The following GEMIN5 variants were observed in gnomAD, a reference collection of about 807,000 sequenced individuals.
GEMIN5 encodes gem nuclear organelle associated protein 5, also known as gem-associated protein 5.
In GEMIN5, 124 loss-of-function variants were observed where a neutral mutation model predicts 176.9. The observed-to-expected ratio is 0.70, with a 90% confidence interval of 0.61 to 0.81. The LOEUF (loss-of-function observed/expected upper bound fraction) is 0.81, where lower values mean the gene tolerates loss of function less well. GEMIN5 is among the 40% of genes least tolerant of loss of function. GEMIN5 has a pLI of 0.00. For missense variants in GEMIN5, 1,843 were observed against 1,814.6 expected, an observed-to-expected ratio of 1.02 and a Z score of -0.28; for synonymous variants, 673 against 665.2, an observed-to-expected ratio of 1.01 and a Z score of -0.18.
chr5:154,921,222 G>A, intron 10 of GEMIN5, 121 bp downstream of exon 10: 1 of 640,752 alleles, frequency 1.6e-6, no homozygotes. Context: ...GGGGACATAA[G>A]TAGCCCACAT....
In GEMIN5 at chr5:154,913,060, T is replaced by A. The variant is rs1161078213; in HGVS notation, c.1856-22A>T. 1.9e-6 allele frequency: 3 copies of A among 1,586,134 alleles called. No individual in the cohort carries two copies. The East Asian group carries it at 6.8e-5, about 36-fold the overall frequency. Reference sequence around the variant, plus strand: ...CTCTCTAAAAGGCAAAGGAAAGACATCACTGCTGCTACTACTAATAACAAA... The same window carrying A: ...CTCTCTAAAAGGCAAAGGAAAGACAACACTGCTGCTACTACTAATAACAAA... On this transcript the variant is annotated intron_variant, in intron 13 of 27. Transcript: ENST00000285873.
At chr5:154,928,728 T>G (rs1050031386) in intron 5 of GEMIN5, 69 bp from the exon 6 acceptor site, 1 of 1,381,574 alleles carries the variant, frequency 7.2e-7, no homozygotes, top group Non-Finnish European at 1.0e-6. Context: ...TCACCGGTGG[T>G]TCATAACACA....
chr5:154,910,855 C>T (rs1476040899), intron 15 of GEMIN5, among the ~76,000 whole-genome samples: 3 of 152,158 alleles, frequency 2.0e-5, no homozygotes, highest in South Asian at 2.1e-4. Flanking sequence ...CCCGCCAACA[C>T]GCCCGGGTAA....
chr5:154,928,700 G>T, intron 5 of GEMIN5, 41 bp from the exon 6 acceptor site: 1 of 1,597,954 alleles, frequency 6.3e-7, no homozygotes, highest in South Asian at 1.1e-5. Context: ...TCAAGACAGT[G>T]AAACTACATG....
chr5:154,919,137 T>C (rs1353170815), intron 11 of GEMIN5, among the ~76,000 whole-genome samples: 1 of 152,030 alleles, frequency 6.6e-6, no homozygotes, highest in African/African-American at 2.4e-5. Context: ...AAAACCAGCC[T>C]GGCCAACATG....
In GEMIN5 at chr5:154,902,542, C is replaced by T. The variant is rs184762925; in HGVS notation, c.2863G>A (p.Ala955Thr). ...LTDNLVAMAP[A>T]AGYHVWLWAV... ...AACAAACAAACAAAAACCATACCTGCTGGTGCCATAGCCACAAGGTTGTCT... is the reference window on the plus strand; with the variant it reads ...AACAAACAAACAAAAACCATACCTGTTGGTGCCATAGCCACAAGGTTGTCT... Residue 955 changes from alanine (A) to threonine (T), a missense_variant, in exon 20 of 28, where the codon GCA becomes ACA. Ala to Thr is a moderately conservative substitution (Grantham distance 58). Transcript: ENST00000285873. The T allele has an allele frequency of 8.2e-5, 132 of 1,613,946 alleles. 1 individual carries two copies. The Admixed American group carries it at 1.5e-3, about 19-fold the overall frequency.
intron 16 of GEMIN5, among the ~76,000 whole-genome samples, chr5:154,905,700 G>A (rs75084477): frequency 2.2e-5 from 3 of 139,054 alleles, no homozygotes; most frequent in Non-Finnish European, 4.7e-5. Flanking sequence ...TATTACTTTG[G>A]TTTTTTTTTT....
At chr5:154,929,195 G>A (rs562998892) in intron 5 of GEMIN5, among the ~76,000 whole-genome samples, 1 of 152,322 alleles carries the variant, frequency 6.6e-6, no homozygotes, top group East Asian at 1.9e-4. Context: ...CTGCACTCCA[G>A]CCTGGGCGAC....
Position 154,891,346 on chromosome 5 carries a change from C to G in GEMIN5, c.4157G>C (p.Arg1386Pro), listed in dbSNP as rs774606643. The G allele has an allele frequency of 2.5e-6, 4 of 1,614,022 alleles. No homozygotes were observed. The highest frequency in any genetic ancestry group is 3.4e-6 in the Non-Finnish European group (4 of 1,179,968). The change falls in exon 26 of 28, where the codon CGA becomes CCA. Residue 1386 changes from arginine (R) to proline (P), a missense_variant. Transcript: ENST00000285873. The stretch of plus-strand genomic sequence containing the variant: ...ACAGAGTTGACTCTTTTGGTGTTGT[C>G]GGATCATTTCTGCCAAGGTCTCTTG... ...EVQETLAEMI[R>P]QHQKSQLCKS...
chr5:154,897,686 C>T (rs1437094644), intron 23 of GEMIN5, among the ~76,000 whole-genome samples: 1 of 152,100 alleles, frequency 6.6e-6, no homozygotes, highest in Non-Finnish European at 1.5e-5. Flanking sequence ...AAGATTTCGC[C>T]ATGTTGGCCA....
chr5:154,920,810 T>C (rs1763906681), intron 10 of GEMIN5, among the ~76,000 whole-genome samples: 2 of 152,068 alleles, frequency 1.3e-5, no homozygotes, highest in Admixed American at 6.5e-5. Context: ...AATACACTTA[T>C]GTAAAAAGCT....
In GEMIN5 at chr5:154,897,913, T is replaced by TG. The variant is rs201459629; in HGVS notation, c.3345+526dup. 2.9e-3 allele frequency among the ~76,000 whole-genome samples: 249 copies of TG among 84,748 alleles called. 4 individuals are homozygous for TG. In the East Asian group the frequency reaches 0.052, roughly 18 times the overall value. The allele number at this position is 84,748 out of a possible 152,430, so 55.6% of individuals were successfully genotyped here. A position where few individuals can be genotyped will look rare whatever the true frequency, so the allele number is the denominator to read the frequency against. On this transcript the variant is annotated intron_variant, in intron 23 of 27. Transcript: ENST00000285873. Reference sequence around the variant, plus strand: ...GGGCTGACTAAGGTGTTTTTTTTTGTGTTTTTTTTTTTTTTTTTGAGACAG... The same window carrying TG: ...GGGCTGACTAAGGTGTTTTTTTTTGTGGTTTTTTTTTTTTTTTTTGAGACAG...
intron 13 of GEMIN5, among the ~76,000 whole-genome samples, chr5:154,916,485 C>T (rs1405325023): frequency 6.6e-6 from 1 of 151,910 alleles, no homozygotes; most frequent in Admixed American, 6.6e-5. Flanking sequence ...GGGAAAACTT[C>T]ATTTTTTTTT....
chr5:154,938,177 G>A lies in GEMIN5; in HGVS notation c.-44C>T, dbSNP rs192574870. Reference sequence around the variant, plus strand: ...ACAAGAGAAGCTGCCACAGCCGACCGCTCGTAGCCTCACGCCTTAGGTAGG... The same window carrying A: ...ACAAGAGAAGCTGCCACAGCCGACCACTCGTAGCCTCACGCCTTAGGTAGG... On this transcript the variant is annotated 5_prime_UTR_variant, in exon 1 of 28. Coordinates refer to ENST00000285873, the MANE Select transcript of GEMIN5 (RefSeq NM_015465.5). The A allele has an allele frequency of 5.4e-5, 71 of 1,313,706 alleles. No homozygotes were observed. The African/African-American group carries it at 1.0e-3, about 19-fold the overall frequency. 81.4% of individuals were successfully genotyped at this position (1,313,706 alleles called of 1,614,324 possible). A position where few individuals can be genotyped will look rare whatever the true frequency, so the allele number is the denominator to read the frequency against.
At chr5:154,926,209 G>A in intron 7 of GEMIN5, 135 bp from the exon 8 acceptor site, 1 of 592,376 alleles carries the variant, frequency 1.7e-6, no homozygotes, top group Admixed American at 3.1e-5. Flanking sequence ...ATTGAAGAAA[G>A]CACTGCTAAG....
At chr5:154,924,005 G>C (rs925148603) in intron 9 of GEMIN5, among the ~76,000 whole-genome samples, 3 of 152,060 alleles carry the variant, frequency 2.0e-5, no homozygotes, top group African/African-American at 7.2e-5. Context: ...AAAGAAAAAA[G>C]TAAAATTTTA....
At chr5:154,927,784 G>T (rs946687674) in intron 6 of GEMIN5, among the ~76,000 whole-genome samples, 3 of 152,202 alleles carry the variant, frequency 2.0e-5, no homozygotes, top group African/African-American at 7.2e-5. Flanking sequence ...TTGAAGCCCC[G>T]ATCTCAAGAC....
chr5:154,921,888 A>C (rs897701977), intron 9 of GEMIN5, among the ~76,000 whole-genome samples: 2 of 152,202 alleles, frequency 1.3e-5, no homozygotes, highest in African/African-American at 4.8e-5. Flanking sequence ...CGTACTCCTA[A>C]GAGCATTTTT....
chr5:154,912,696 A>T (rs1007737602), intron 14 of GEMIN5, among the ~76,000 whole-genome samples: 5 of 149,720 alleles, frequency 3.3e-5, no homozygotes, highest in African/African-American at 1.2e-4. Flanking sequence ...TTTCCCCTTC[A>T]TCTAAGTAAC....
Sources: allele counts gnomAD v4.1 joint callset (sites outside exome capture counted in the v4.1 genomes callset), GRCh38; gene constraint gnomAD v4.1.1; transcripts MANE v1.5; gene names NCBI Gene and HGNC (gene_info 2026-07-23, HGNC 2026-07-21).